The following ASPRV1 variants were observed in gnomAD, a reference collection of about 807,000 sequenced individuals.
The protein encoded by ASPRV1 is aspartic peptidase retroviral like 1.
ASPRV1 carries 7 observed loss-of-function variants against 11.0 expected under a neutral mutation model. That is an observed-to-expected ratio of 0.64 (90% CI 0.36 to 1.20). ASPRV1 has a LOEUF of 1.20. ASPRV1 is among the 50% of genes most tolerant of loss of function. The pLI, the probability that ASPRV1 is intolerant of heterozygous loss-of-function variation, is 0.02. For missense variants in ASPRV1, 299 were observed against 320.0 expected (o/e 0.93, Z 0.50); for synonymous variants, 136 against 138.4 (o/e 0.98, Z 0.12).
the ASPRV1 span, among the ~76,000 whole-genome samples, chr2:70,076,533 CATT>C: frequency 9.8e-5 from 15 of 152,316 alleles, no homozygotes; most frequent in East Asian, 2.9e-3. Flanking sequence ...CAGGTATTAT[CATT>C]ATCCTCATTG....
upstream of ASPRV1, among the ~76,000 whole-genome samples, chr2:69,963,768 A>T (rs1437506436): frequency 3.3e-5 from 5 of 152,150 alleles, no homozygotes; most frequent in East Asian, 9.6e-4. Flanking sequence ...TGGGAAGAAG[A>T]CCAGCTCCGC....
the ASPRV1 span, among the ~76,000 whole-genome samples, chr2:69,992,751 AT>A: frequency 6.6e-6 from 1 of 152,264 alleles, no homozygotes; most frequent in Non-Finnish European, 1.5e-5. Context: ...TTAGGTTATT[AT>A]TGTGATTTCA....
At chr2:69,936,786 A>C in the ASPRV1 span, among the ~76,000 whole-genome samples, 1 of 152,226 alleles carries the variant, frequency 6.6e-6, no homozygotes, top group Non-Finnish European at 1.5e-5. Context: ...TGACACAAAA[A>C]AGTGCTTATG....
the ASPRV1 span, among the ~76,000 whole-genome samples, chr2:70,078,311 A>C: frequency 6.6e-6 from 1 of 152,116 alleles, no homozygotes; most frequent in East Asian, 1.9e-4. Flanking sequence ...TATGGTAGAG[A>C]GTCCCTAGAA....
downstream of ASPRV1, among the ~76,000 whole-genome samples, chr2:69,958,161 T>C (rs572069485): frequency 2.6e-5 from 4 of 152,198 alleles, no homozygotes; most frequent in Non-Finnish European, 5.9e-5. Context: ...GTCCTGCAGC[T>C]GGGTTCCACG....
the ASPRV1 span, chr2:70,012,154 C>T: frequency 7.0e-6 from 1 of 143,830 alleles, no homozygotes; most frequent in African/African-American, 2.8e-5. Context: ...AAGAGATCAA[C>T]ATCATTTTTT....
At chr2:69,980,601 C>T in the ASPRV1 span, among the ~76,000 whole-genome samples, 1 of 152,138 alleles carries the variant, frequency 6.6e-6, no homozygotes, top group African/African-American at 2.4e-5. Context: ...TGATGAAATC[C>T]CAAAATATCT....
At chr2:69,963,873 C>T (rs1016057285), upstream of ASPRV1, among the ~76,000 whole-genome samples, 17 of 152,068 alleles carry the variant, frequency 1.1e-4, no homozygotes, top group Non-Finnish European at 2.4e-4. Flanking sequence ...GGAGGTGAAG[C>T]GCTGGGCTGA....
At chr2:70,084,985 A>C in the ASPRV1 span, among the ~76,000 whole-genome samples, 1 of 152,210 alleles carries the variant, frequency 6.6e-6, no homozygotes, top group Non-Finnish European at 1.5e-5. Flanking sequence ...ATCCACACAC[A>C]ATCAGAGCCC....
the ASPRV1 span, among the ~76,000 whole-genome samples, chr2:70,014,930 C>CA: frequency 6.6e-6 from 1 of 151,852 alleles, no homozygotes; most frequent in African/African-American, 2.4e-5. Context: ...TCCTACAACT[C>CA]AACAACAAAG....
At chr2:69,981,762 T>C in the ASPRV1 span, among the ~76,000 whole-genome samples, 2 of 152,214 alleles carry the variant, frequency 1.3e-5, no homozygotes, top group Admixed American at 6.5e-5. Flanking sequence ...TTTCACCAGG[T>C]TGGCCAGGCT....
the ASPRV1 span, among the ~76,000 whole-genome samples, chr2:70,035,491 T>C: frequency 6.6e-6 from 1 of 151,896 alleles, no homozygotes; most frequent in Non-Finnish European, 1.5e-5. Flanking sequence ...AAGATTCCAC[T>C]AGTTCTTCAC....
chr2:70,051,132 T>A, the ASPRV1 span: 2 of 152,114 alleles, frequency 1.3e-5, no homozygotes, highest in Non-Finnish European at 2.9e-5. Flanking sequence ...AATAACCCTA[T>A]AAAATAGGTG....
chr2:70,087,015 G>A, the ASPRV1 span: 3 of 38,120 alleles, frequency 7.9e-5, no homozygotes, highest in Non-Finnish European at 1.1e-4. Flanking sequence ...CCTCCCCCCC[G>A]GAAGAGGGCT....
chr2:69,933,155 C>T, the ASPRV1 span, among the ~76,000 whole-genome samples: 2 of 129,624 alleles, frequency 1.5e-5, no homozygotes, highest in South Asian at 4.7e-4. Context: ...GCTGAGATCA[C>T]GGCACTGTAC....
chr2:70,067,953 A>T, the ASPRV1 span, among the ~76,000 whole-genome samples: 1 of 152,258 alleles, frequency 6.6e-6, no homozygotes, highest in Non-Finnish European at 1.5e-5. Context: ...TTCAGATACT[A>T]AATTCTCTCT....
the ASPRV1 span, among the ~76,000 whole-genome samples, chr2:69,954,022 C>T: frequency 0.17 from 26,462 of 152,144 alleles, 2,961 homozygotes; most frequent in African/African-American, 0.29. Flanking sequence ...CTGGCCAATT[C>T]ACTTTAATTA....
chr2:70,059,547 TG>T, the ASPRV1 span: 1 of 152,338 alleles, frequency 6.6e-6, no homozygotes, highest in Non-Finnish European at 1.5e-5. Context: ...GGGGAGGGAA[TG>T]GTCTCAGGAT....
At chr2:69,980,336 T>C in the ASPRV1 span, among the ~76,000 whole-genome samples, 1 of 152,242 alleles carries the variant, frequency 6.6e-6, no homozygotes, top group Non-Finnish European at 1.5e-5. Flanking sequence ...TAGCAATGAA[T>C]TAATGCCCAC....
Sources: gnomAD v4.1 joint callset for allele counts (sites outside exome capture counted in the v4.1 genomes callset) on GRCh38, gnomAD v4.1.1 for gene constraint, MANE v1.5 for transcripts, NCBI Gene and HGNC (gene_info 2026-07-23, HGNC 2026-07-21) for gene names.